Variants in ERN1 observed in about 807,000 individuals in gnomAD.
ERN1 encodes the protein serine/threonine-protein kinase/endoribonuclease IRE1.
Under a neutral mutation model 113.1 loss-of-function variants are expected in ERN1, and 39 were observed. The observed-to-expected ratio is 0.34, with a 90% CI of 0.27 to 0.45. ERN1 has a LOEUF of 0.45. ERN1 is among the 20% of genes least tolerant of loss of function. ERN1 has a pLI of 1.00. For missense variants in ERN1, 976 were observed against 1,274.8 expected (o/e 0.77, Z 3.57); for synonymous variants, 507 against 515.9 (o/e 0.98, Z 0.23).
Position 64,091,953 on chromosome 17 carries a change from C to T in ERN1, c.175+6168G>A, listed in dbSNP as rs115640814. Among the ~76,000 whole-genome samples, 950 of 152,240 alleles carry T rather than the reference C, an allele frequency of 6.2e-3. 8 individuals carry two copies. The highest frequency in any genetic ancestry group is 0.022 in the African/African-American group (914 of 41,532). ...TTCCTCATCATTCACAGGTAACACACCACACACACTGATGCAGGCACAACG... is the reference window on the plus strand; with the variant it reads ...TTCCTCATCATTCACAGGTAACACATCACACACACTGATGCAGGCACAACG... On this transcript the variant is annotated intron_variant, in intron 2 of 21. Coordinates refer to ENST00000433197, the MANE Select transcript of ERN1 (RefSeq NM_001433.5).
At chr17:64,121,586 T>C (rs931804686) in intron 1 of ERN1, among the ~76,000 whole-genome samples, 3 of 152,122 alleles carry the variant, frequency 2.0e-5, no homozygotes, top group Non-Finnish European at 2.9e-5. Context: ...GCCTCCCAGG[T>C]TCAAGCGATT....
In ERN1 at chr17:64,053,347, G is replaced by A. The variant is rs1198431383; in HGVS notation, c.1978C>T (p.His660Tyr). 3 of 1,611,166 alleles carry A rather than the reference G, an allele frequency of 1.9e-6. No individual in the cohort carries two copies. The African/African-American group carries it at 4.0e-5, about 22-fold the overall frequency. Reference sequence around the variant, plus strand: ...AAGGTGATGGGCTCCAGGCCGAGATGCGCAAAGTCCTTCTGCTCCACATAC... The same window carrying A: ...AAGGTGATGGGCTCCAGGCCGAGATACGCAAAGTCCTTCTGCTCCACATAC... ...QEYVEQKDFA[H>Y]LGLEPITLLQ... The change falls in exon 16 of 22, where the codon CAT (histidine) becomes TAT (tyrosine). Residue 660 changes from histidine (H) to tyrosine (Y), a missense_variant. Physicochemically the swap from His to Tyr is moderately conservative, Grantham distance 83. Coordinates refer to ENST00000433197, the MANE Select transcript of ERN1 (RefSeq NM_001433.5).
chr17:64,121,548 G>A (rs1251621740), intron 1 of ERN1, among the ~76,000 whole-genome samples: 1 of 152,182 alleles, frequency 6.6e-6, no homozygotes, highest in African/African-American at 2.4e-5. Flanking sequence ...GGAGTGCAAT[G>A]GCAGGATCTC....
At chr17:64,129,603 G>T (rs908135921) in intron 1 of ERN1, 1 of 363,796 alleles carries the variant, frequency 2.7e-6, no homozygotes, top group African/African-American at 2.1e-5. Flanking sequence ...CCCGCGAGGA[G>T]GAGGGTCCCG....
chr17:64,078,642 G>T (rs1350865307), intron 4 of ERN1, among the ~76,000 whole-genome samples: 1 of 152,070 alleles, frequency 6.6e-6, no homozygotes, highest in Non-Finnish European at 1.5e-5. Flanking sequence ...TATATGTGTT[G>T]TAGGGGGGTA....
At chr17:64,064,495 C>T (rs576899525) in intron 9 of ERN1, among the ~76,000 whole-genome samples, 22 of 152,278 alleles carry the variant, frequency 1.4e-4, no homozygotes, top group African/African-American at 4.3e-4. Flanking sequence ...ACCAATGGGG[C>T]GGAATAAAGT....
At position 64,053,091 on chromosome 17, in the gene ERN1, T is replaced by C; in HGVS notation, c.2054-112A>G. 3 of 979,646 alleles carry C rather than the reference T, an allele frequency of 3.1e-6. No homozygotes were observed. In the South Asian group the frequency reaches 5.0e-5, roughly 16 times the overall value. The allele number at this position is 979,646 out of a possible 1,614,324, so 60.7% of individuals were successfully genotyped here. ...CAATATGCCTGCCGCCACCTCCAAA[T>C]GTTCTGATTTTCAACTATGTCGGAT... On this transcript the variant is annotated intron_variant, in intron 16 of 21. Transcript: ENST00000433197.
Position 64,041,902 on chromosome 17 carries a change from G to A in ERN1, c.*2086C>T, listed in dbSNP as rs1912349866. 6.6e-6 allele frequency: 1 copy of A among 152,208 alleles called. No homozygotes were observed. The highest frequency in any genetic ancestry group is 2.1e-4 in the South Asian group (1 of 4,834). 9.4% of individuals were successfully genotyped at this position (152,208 alleles called of 1,614,324 possible). ...TGGTTAGAAACTAGTATGATAAGCA[G>A]AAAAGGCATCGGAAACAGTTGTCTC... On this transcript the variant is annotated 3_prime_UTR_variant, in exon 22 of 22. Coordinates refer to ENST00000433197, the MANE Select transcript of ERN1 (RefSeq NM_001433.5).
At chr17:64,059,463 G>A (rs923149778) in intron 11 of ERN1, among the ~76,000 whole-genome samples, 2 of 152,088 alleles carry the variant, frequency 1.3e-5, no homozygotes, top group Admixed American at 1.3e-4. Flanking sequence ...AGCCTCAGAC[G>A]TCCCCTCTTC....
At chr17:64,075,141 A>C in intron 5 of ERN1, 34 bp downstream of exon 5, 7 of 1,505,180 alleles carry the variant, frequency 4.7e-6, no homozygotes, top group Non-Finnish European at 6.3e-6. Context: ...CTTACATCAA[A>C]GAGACACAAG....
intron 5 of ERN1, among the ~76,000 whole-genome samples, chr17:64,072,485 G>A (rs1472777430): frequency 6.6e-6 from 1 of 152,210 alleles, no homozygotes; most frequent in South Asian, 2.1e-4. Context: ...ATGTGCCCAG[G>A]GGTTCATCTC....
In ERN1 at chr17:64,075,226, C is replaced by G; in HGVS notation, c.304G>C (p.Glu102Gln). 7.0e-7 allele frequency: 1 copy of G among 1,436,078 alleles called. No individual in the cohort carries two copies. The highest frequency in any genetic ancestry group is 9.2e-7 in the Non-Finnish European group (1 of 1,084,548). The allele number at this position is 1,436,078 out of a possible 1,614,324, so 89.0% of individuals were successfully genotyped here. A position where few individuals can be genotyped will look rare whatever the true frequency, so the allele number is the denominator to read the frequency against. ...GLTKLPFTIP[E>Q]LVQASPCRSS... The stretch of plus-strand genomic sequence containing the variant: ...CGGCATGGGGATGCCTGCACCAATT[C>G]TGGGATGGTAAAAGGAAGTTTCTTT... Residue 102 changes from glutamate to glutamine, a missense_variant, in exon 5 of 22, where the codon GAA (glutamate) becomes CAA (glutamine). Physicochemically the swap from Glu to Gln is conservative, Grantham distance 29. Coordinates refer to ENST00000433197, the MANE Select transcript of ERN1 (RefSeq NM_001433.5).
intron 8 of ERN1, 57 bp downstream of exon 8, chr17:64,066,614 C>T: frequency 2.5e-6 from 4 of 1,596,222 alleles, no homozygotes; most frequent in Non-Finnish European, 2.6e-6. Flanking sequence ...TACACTGCAA[C>T]AGCACCAGAA....
intron 1 of ERN1, among the ~76,000 whole-genome samples, chr17:64,120,829 T>C (rs1402094761): frequency 4.6e-5 from 7 of 152,144 alleles, no homozygotes; most frequent in Non-Finnish European, 1.0e-4. Context: ...GAATATAAAA[T>C]ATAGCTGAAG....
intron 6 of ERN1, among the ~76,000 whole-genome samples, chr17:64,071,565 CA>C (rs1913417902): frequency 6.6e-6 from 1 of 152,064 alleles, no homozygotes; most frequent in Non-Finnish European, 1.5e-5. Flanking sequence ...GGATTACAGG[CA>C]CATGCCACCA....
At chr17:64,086,083 A>G (rs150557619) in intron 2 of ERN1, among the ~76,000 whole-genome samples, 1 of 152,312 alleles carries the variant, frequency 6.6e-6, no homozygotes, top group East Asian at 1.9e-4. Context: ...TCCTGTCTCC[A>G]AGGATCTTCA....
Position 64,082,724 on chromosome 17 carries a change from C to A in ERN1, c.176-1916G>T, listed in dbSNP as rs1213072510. ...TTTTCTATAGCTTATCCACTGGTCA[C>A]CTGACACTGAGGCCTCAGGTCCCAA... On this transcript the variant is annotated intron_variant, in intron 2 of 21. Transcript: ENST00000433197. 2.0e-5 allele frequency among the ~76,000 whole-genome samples: 3 copies of A among 152,204 alleles called. No homozygotes were observed. In the East Asian group the frequency reaches 5.8e-4, roughly 29 times the overall value.
intron 16 of ERN1, 40 bp from the exon 17 acceptor site, chr17:64,053,019 G>T: frequency 7.1e-7 from 1 of 1,403,918 alleles, no homozygotes; most frequent in Middle Eastern, 2.0e-4. Flanking sequence ...CTTACCAGGA[G>T]CAACCCCAGG....
chr17:64,067,429 A>C (rs1282581169), intron 7 of ERN1, among the ~76,000 whole-genome samples: 3 of 1,692 alleles, frequency 1.8e-3, no homozygotes, highest in Non-Finnish European at 0.013. Context: ...CGTCTCTACA[A>C]AAAAAAAAAA....
Sources: allele counts gnomAD v4.1 joint callset (sites outside exome capture counted in the v4.1 genomes callset), GRCh38; gene constraint gnomAD v4.1.1; transcripts MANE v1.5; gene names NCBI Gene and HGNC (gene_info 2026-07-23, HGNC 2026-07-21).